The following FBXO42 variants were observed in gnomAD, a reference collection of about 807,000 sequenced individuals.
The protein encoded by FBXO42 is F-box only protein 42.
Under a neutral mutation model 71.7 loss-of-function variants are expected in FBXO42, and 12 were observed. That is an observed-to-expected ratio of 0.17 (90% CI 0.11 to 0.27). The LOEUF is 0.27. Ranked by LOEUF, FBXO42 falls within the 10% of genes least tolerant of loss-of-function variation. The pLI, the probability that FBXO42 is intolerant of heterozygous loss-of-function variation, is 1.00. For missense variants in FBXO42, 707 were observed against 911.9 expected (o/e 0.78, Z 2.89); for synonymous variants, 325 against 327.5 (o/e 0.99, Z 0.08).
chr1:16,343,027 T>G (rs571654799), intron 1 of FBXO42, among the ~76,000 whole-genome samples: 1 of 152,300 alleles, frequency 6.6e-6, no homozygotes, highest in East Asian at 1.9e-4. Flanking sequence ...TGTAGAACCA[T>G]GAGCTAAATA....
At chr1:16,311,241 C>A (rs1183662018) in intron 2 of FBXO42, among the ~76,000 whole-genome samples, 3 of 148,956 alleles carry the variant, frequency 2.0e-5, no homozygotes, top group Admixed American at 6.7e-5. Context: ...CTTTAGCAGG[C>A]CCAGGTGGTA....
At chr1:16,289,743 G>A (rs146823154) in intron 4 of FBXO42, among the ~76,000 whole-genome samples, 2 of 152,188 alleles carry the variant, frequency 1.3e-5, no homozygotes, top group Admixed American at 6.6e-5. Context: ...TAACAGCATG[G>A]GCAACATAGT....
intron 1 of FBXO42, among the ~76,000 whole-genome samples, chr1:16,346,164 A>C (rs1483343082): frequency 1.3e-5 from 2 of 152,320 alleles, no homozygotes; most frequent in East Asian, 3.9e-4. Context: ...CCACTTCACC[A>C]ATTCTTTACG....
Position 16,253,651 on chromosome 1 carries a change from C to A in FBXO42, c.848G>T (p.Arg283Leu). Residue 283 changes from arginine (R) to leucine (L), a missense_variant, in exon 7 of 10, where the codon CGA becomes CTA. Around this residue, in one of 5 missense-constraint regions of FBXO42, gnomAD observed 482 missense variants for 587.1 expected, o/e 0.82. Transcript: ENST00000375592. ...CCTGAGCACCTGAGATTGGCCACCT[C>A]GAGGATGAGGACTGGGGCCAGAGAT... ...PNISGPSPHP[R>L]GGQSQIVIDD... The A allele has an allele frequency of 6.2e-7, 1 of 1,614,204 alleles. No homozygotes were observed. Among genetic ancestry groups the A allele is most frequent in the East Asian group, 2.2e-5 (1 of 44,890 alleles).
At chr1:16,339,718 G>C (rs1453672141) in intron 1 of FBXO42, among the ~76,000 whole-genome samples, 1 of 152,140 alleles carries the variant, frequency 6.6e-6, no homozygotes, top group Admixed American at 6.6e-5. Context: ...ATAATGTCTT[G>C]ATTACATCTT....
At position 16,315,211 on chromosome 1, in the gene FBXO42, T is replaced by G; in HGVS notation, c.208A>C (p.Thr70Pro). Residue 70 changes from threonine (T) to proline (P), a missense_variant, in exon 2 of 10, where the codon ACT becomes CCT. By Grantham distance (38) the Thr-to-Pro change is conservative. Coordinates refer to ENST00000375592, the MANE Select transcript of FBXO42 (RefSeq NM_018994.3). The part of the protein sequence containing the change: ...SFLSPYQEHK[T>P]AALVCKQWYR... ...CACTGTTTGCAGACAAGGGCCGCAG[T>G]TTTGTGTTCCTGATACGGTGAGAGA... is the stretch of plus-strand genomic sequence containing the variant. 6.2e-7 allele frequency: 1 copy of G among 1,614,130 alleles called. No individual in the cohort carries two copies. The highest frequency in any genetic ancestry group is 8.5e-7 in the Non-Finnish European group (1 of 1,179,992).
intron 4 of FBXO42, among the ~76,000 whole-genome samples, chr1:16,263,290 C>CA (rs1241780905): frequency 2.0e-5 from 3 of 151,250 alleles, no homozygotes; most frequent in Non-Finnish European, 4.4e-5. Context: ...GTGAAAAATA[C>CA]AAAAAATTAG....
intron 1 of FBXO42, among the ~76,000 whole-genome samples, chr1:16,334,867 G>C (rs915257318): frequency 6.6e-6 from 1 of 151,910 alleles, no homozygotes; most frequent in Non-Finnish European, 1.5e-5. Context: ...ATTCCTTAAA[G>C]CAAATACAAA....
chr1:16,341,609 TAAAAAAAAA>T (rs34904915), intron 1 of FBXO42, among the ~76,000 whole-genome samples: 9 of 113,278 alleles, frequency 7.9e-5, no homozygotes, highest in South Asian at 3.3e-4. Context: ...CTGCGTCTTT[TAAAAAAAAA>T]AAAAAAAAAA....
intron 4 of FBXO42, among the ~76,000 whole-genome samples, chr1:16,257,689 T>G (rs1321104285): frequency 2.0e-5 from 3 of 152,224 alleles, no homozygotes; most frequent in East Asian, 3.8e-4. Context: ...AATACTTTTT[T>G]TTTCCTTTGG....
intron 3 of FBXO42, among the ~76,000 whole-genome samples, chr1:16,296,631 C>T (rs1451502478): frequency 1.7e-5 from 2 of 117,386 alleles, no homozygotes; most frequent in Non-Finnish European, 3.2e-5. Flanking sequence ...GCCTGGACGA[C>T]AGAGCAAGAC....
intron 4 of FBXO42, among the ~76,000 whole-genome samples, chr1:16,284,973 A>AGG (rs1197077482): frequency 1.3e-5 from 2 of 151,158 alleles, no homozygotes; most frequent in African/African-American, 4.9e-5. Context: ...CTGTCTCAAA[A>AGG]AACAAAACAA....
chr1:16,299,698 G>A (rs1188801621), intron 3 of FBXO42, among the ~76,000 whole-genome samples: 4 of 152,092 alleles, frequency 2.6e-5, no homozygotes, highest in Admixed American at 2.0e-4. Context: ...AGGCTGGAGT[G>A]CAGTGGCACG....
At chr1:16,299,151 A>G (rs1034913389) in intron 3 of FBXO42, among the ~76,000 whole-genome samples, 5 of 151,872 alleles carry the variant, frequency 3.3e-5, no homozygotes, top group African/African-American at 1.2e-4. Context: ...AGCTGGGATT[A>G]CAGGCATGTG....
At chr1:16,297,104 C>T (rs913461367) in intron 3 of FBXO42, among the ~76,000 whole-genome samples, 12 of 151,918 alleles carry the variant, frequency 7.9e-5, no homozygotes, top group Admixed American at 2.0e-4. Context: ...ACCACCACAC[C>T]CAGTTAATTT....
rs1289367208 is a variant in FBXO42 at position 16,294,853 on chromosome 1, G to A, written c.432C>T (p.Cys144=). Residue 144 remains cysteine (C), a synonymous_variant, in exon 4 of 10, where the codon TGC becomes TGT. Transcript: ENST00000375592. ...TCCAGAGGTCATTGAAAGCAGCATTGCAGCTGCTCTGGGTACAGCCTCCAA... is the reference window on the plus strand; with the variant it reads ...TCCAGAGGTCATTGAAAGCAGCATTACAGCTGCTCTGGGTACAGCCTCCAA... ...YVFGGCTQSS[C]NAAFNDLWRL... 6.2e-7 allele frequency: 1 copy of A among 1,613,586 alleles called. No homozygotes were observed. The highest frequency in any genetic ancestry group is 1.7e-5 in the Admixed American group (1 of 60,008).
At chr1:16,339,462 G>A (rs900138971) in intron 1 of FBXO42, among the ~76,000 whole-genome samples, 2 of 151,964 alleles carry the variant, frequency 1.3e-5, no homozygotes, top group South Asian at 2.1e-4. Flanking sequence ...ACAGGTGCGT[G>A]CCACCACGCC....
rs1261063435 is a variant in FBXO42 at position 16,255,742 on chromosome 1, C to T, written c.736G>A (p.Val246Ile). Reference sequence around the variant, plus strand: ...CGGGATCCTAAAGAGCCACCAAAGACAATCATTTTATCATCTATCACACAG... The same window carrying T: ...CGGGATCCTAAAGAGCCACCAAAGATAATCATTTTATCATCTATCACACAG... ...SSCVIDDKMI[V>I]FGGSLGSRQM... Residue 246 changes from valine (V) to isoleucine (I), a missense_variant, in exon 6 of 10, where the codon GTC (valine) becomes ATC (isoleucine). Physicochemically the swap from Val to Ile is conservative, Grantham distance 29. Transcript: ENST00000375592. 1.9e-6 allele frequency: 3 copies of T among 1,614,058 alleles called. No individual in the cohort carries two copies. The highest frequency in any genetic ancestry group is 1.6e-4 in the Middle Eastern group (1 of 6,062).
chr1:16,279,854 C>CTTTTTTCTTT (rs1553151076), intron 4 of FBXO42, among the ~76,000 whole-genome samples: 1 of 138,168 alleles, frequency 7.2e-6, no homozygotes, highest in Non-Finnish European at 1.5e-5. Context: ...TTTTTTTTTT[C>CTTTTTTCTTT]TTTTTTTTTT....
Sources: gnomAD v4.1 joint callset for allele counts (sites outside exome capture counted in the v4.1 genomes callset) on GRCh38, gnomAD v4.1.1 for gene constraint, gnomAD v4.1.1 regional missense constraint, MANE v1.5 for transcripts, NCBI Gene and HGNC (gene_info 2026-07-23, HGNC 2026-07-21) for gene names.